The following LRRC4C variants were observed in gnomAD, a reference collection of about 807,000 sequenced individuals.
LRRC4C encodes the protein leucine-rich repeat-containing protein 4C.
LRRC4C carries 5 observed loss-of-function variants against 33.6 expected under a neutral mutation model. That is an observed-to-expected ratio of 0.15 (90% CI 0.08 to 0.31). The LOEUF (loss-of-function observed/expected upper bound fraction) is 0.31. Ranked by LOEUF, LRRC4C falls within the 10% of genes least tolerant of loss-of-function variation. The pLI is 1.00. For synonymous variants in LRRC4C, 329 were observed against 302.0 expected (o/e 1.09, Z -0.93); for missense variants, 560 against 796.7 (o/e 0.70, Z 3.58).
At chr11:40,331,251 C>T (rs1946350410) in intron 3 of LRRC4C, among the ~76,000 whole-genome samples, 1 of 152,126 alleles carries the variant, frequency 6.6e-6, no homozygotes, top group African/African-American at 2.4e-5. Context: ...ATAGAACTCC[C>T]ATATGGTCTA....
intron 1 of LRRC4C, among the ~76,000 whole-genome samples, chr11:41,002,608 C>T (rs1854466395): frequency 6.6e-6 from 1 of 152,146 alleles, no homozygotes; most frequent in African/African-American, 2.4e-5. Context: ...GCCAGAATTA[C>T]AAATAATGGC....
intron 1 of LRRC4C, among the ~76,000 whole-genome samples, chr11:41,322,188 G>A (rs939285666): frequency 4.6e-5 from 7 of 151,638 alleles, no homozygotes; most frequent in Non-Finnish European, 1.0e-4. Context: ...TTTCTGTGAG[G>A]CAAGATTATG....
intron 1 of LRRC4C, among the ~76,000 whole-genome samples, chr11:41,139,825 C>T (rs938997376): frequency 2.0e-5 from 3 of 152,128 alleles, no homozygotes; most frequent in Admixed American, 2.0e-4. Context: ...ATACTGCTAG[C>T]CTCCTTCCCT....
At chr11:41,091,257 T>C (rs1241941216) in intron 1 of LRRC4C, among the ~76,000 whole-genome samples, 2 of 151,966 alleles carry the variant, frequency 1.3e-5, no homozygotes, top group Non-Finnish European at 2.9e-5. Flanking sequence ...TCATTAAACA[T>C]ATATAATGAT....
chr11:40,983,644 T>G (rs2137128765), intron 1 of LRRC4C, among the ~76,000 whole-genome samples: 1 of 152,116 alleles, frequency 6.6e-6, no homozygotes, highest in Admixed American at 6.5e-5. Context: ...CTTAGACAAA[T>G]TTACAAGAAA....
intron 1 of LRRC4C, among the ~76,000 whole-genome samples, chr11:40,952,283 C>T (rs548339379): frequency 3.3e-5 from 5 of 151,910 alleles, no homozygotes; most frequent in African/African-American, 1.2e-4. Flanking sequence ...ACAACTTTCC[C>T]CCAAAATAAA....
At chr11:41,390,586 C>T (rs976816171) in intron 1 of LRRC4C, among the ~76,000 whole-genome samples, 1 of 151,834 alleles carries the variant, frequency 6.6e-6, no homozygotes, top group Non-Finnish European at 1.5e-5. Flanking sequence ...ATACATTTTT[C>T]CCTTTCTTCC....
At chr11:41,349,258 C>T (rs1041658699) in intron 1 of LRRC4C, among the ~76,000 whole-genome samples, 3 of 152,170 alleles carry the variant, frequency 2.0e-5, no homozygotes, top group African/African-American at 7.2e-5. Context: ...GTAACCCCAA[C>T]CTCAGCCTTC....
chr11:41,018,008 C>T (rs1209153821), intron 1 of LRRC4C, among the ~76,000 whole-genome samples: 1 of 151,954 alleles, frequency 6.6e-6, no homozygotes, highest in Non-Finnish European at 1.5e-5. Context: ...AGATGATAAT[C>T]CATCCCATGG....
chr11:41,365,515 C>G (rs949269923), intron 1 of LRRC4C, among the ~76,000 whole-genome samples: 5 of 152,042 alleles, frequency 3.3e-5, no homozygotes, highest in African/African-American at 1.2e-4. Flanking sequence ...AGCCCTGGTG[C>G]CAAAAAGCTT....
In LRRC4C at chr11:41,271,131, A is replaced by G. The variant is rs368290369; in HGVS notation, c.-496+188300T>C. Reference sequence around the variant, plus strand: ...GGACTAGGACATATAATTTGGGGGGACACTGTTCAATCCTCTATAGTTGCC... The same window carrying G: ...GGACTAGGACATATAATTTGGGGGGGCACTGTTCAATCCTCTATAGTTGCC... On this transcript the variant is annotated intron_variant, in intron 1 of 6. Transcript: ENST00000528697. 2.0e-5 allele frequency among the ~76,000 whole-genome samples: 3 copies of G among 151,960 alleles called. No homozygotes were observed. The East Asian group carries it at 5.8e-4, about 29-fold the overall frequency.
At chr11:41,453,331 A>G (rs1407063349) in intron 1 of LRRC4C, among the ~76,000 whole-genome samples, 1 of 152,116 alleles carries the variant, frequency 6.6e-6, no homozygotes, top group Non-Finnish European at 1.5e-5. Context: ...AAAATATGGT[A>G]CTGATCATGT....
chr11:40,713,228 C>A (rs1199163709), intron 2 of LRRC4C, among the ~76,000 whole-genome samples: 3 of 151,994 alleles, frequency 2.0e-5, no homozygotes, highest in Non-Finnish European at 4.4e-5. Flanking sequence ...TAATTTAATT[C>A]CTTCTGGTAT....
intron 6 of LRRC4C, among the ~76,000 whole-genome samples, chr11:40,116,898 C>T (rs1855478707): frequency 6.6e-6 from 1 of 152,104 alleles, no homozygotes; most frequent in African/African-American, 2.4e-5. Flanking sequence ...TTAATAATAT[C>T]AAATCAGTAA....
intron 3 of LRRC4C, among the ~76,000 whole-genome samples, chr11:40,414,540 C>G (rs1950258319): frequency 1.3e-5 from 2 of 151,806 alleles, no homozygotes; most frequent in African/African-American, 4.8e-5. Flanking sequence ...GTTTGCCAAC[C>G]AGTGTTGTGG....
At chr11:40,192,271 T>C (rs1861905545) in intron 5 of LRRC4C, among the ~76,000 whole-genome samples, 1 of 151,624 alleles carries the variant, frequency 6.6e-6, no homozygotes, top group Non-Finnish European at 1.5e-5. Flanking sequence ...AGGTACCTGG[T>C]TCATCCCACT....
intron 1 of LRRC4C, among the ~76,000 whole-genome samples, chr11:41,323,632 A>C (rs775319942): frequency 2.0e-5 from 3 of 152,168 alleles, no homozygotes; most frequent in Non-Finnish European, 2.9e-5. Context: ...TCTGTTAGCA[A>C]TATACCTAAC....
chr11:40,761,512 T>A (rs916251745), intron 2 of LRRC4C, among the ~76,000 whole-genome samples: 1 of 152,088 alleles, frequency 6.6e-6, no homozygotes, highest in Non-Finnish European at 1.5e-5. Context: ...AATGTCGAAA[T>A]TGGTTACACA....
intron 1 of LRRC4C, among the ~76,000 whole-genome samples, chr11:41,443,383 C>A (rs1159899003): frequency 6.6e-6 from 1 of 152,030 alleles, no homozygotes; most frequent in African/African-American, 2.4e-5. Context: ...GTGGTGCATG[C>A]CTGTAGCCCC....
Sources: gnomAD v4.1 joint callset for allele counts (sites outside exome capture counted in the v4.1 genomes callset) on GRCh38, gnomAD v4.1.1 for gene constraint, MANE v1.5 for transcripts, NCBI Gene and HGNC (gene_info 2026-07-23, HGNC 2026-07-21) for gene names.